GARRE1: variants seen among roughly 807,000 people sequenced by gnomAD.
GARRE1 encodes granule associated Rac and RHOG effector 1.
In GARRE1, 49 loss-of-function variants were observed where a neutral mutation model predicts 103.2. The observed-to-expected ratio is 0.47, with a 90% CI of 0.38 to 0.60. The LOEUF is 0.60. Ranked by LOEUF, GARRE1 falls within the 20% of genes least tolerant of loss-of-function variation. The pLI is 0.00. For missense variants in GARRE1, 1,199 were observed against 1,370.5 expected, an observed-to-expected ratio of 0.87 and a Z score of 1.98; for synonymous variants, 505 against 532.8, an observed-to-expected ratio of 0.95 and a Z score of 0.72.
chr19:34,300,636 G>A lies in GARRE1; in HGVS notation c.163G>A (p.Gly55Ser), dbSNP rs756262638. The change falls in exon 2 of 14, where the codon GGC becomes AGC. Residue 55 changes from glycine to serine, a missense_variant. By Grantham distance (56) the Gly-to-Ser change is moderately conservative. Coordinates refer to ENST00000299505, the MANE Select transcript of GARRE1 (RefSeq NM_014686.5). ...LASTATTAPL[G>S]SLTAAGSCHH... ...ATCCACGGCCACCACTGCCCCCCTGGGCAGTCTGACCGCTGCAGGCAGCTG... is the reference window on the plus strand; with the variant it reads ...ATCCACGGCCACCACTGCCCCCCTGAGCAGTCTGACCGCTGCAGGCAGCTG... The A allele has an allele frequency of 3.1e-6, 5 of 1,613,558 alleles. No individual in the cohort carries two copies. In the African/African-American group the frequency reaches 5.3e-5, roughly 17 times the overall value.
At chr19:34,268,823 A>G (rs1169606685) in intron 1 of GARRE1, among the ~76,000 whole-genome samples, 1 of 152,154 alleles carries the variant, frequency 6.6e-6, no homozygotes, top group African/African-American at 2.4e-5. Flanking sequence ...AAGAAATTGA[A>G]TATGTGGTGA....
At chr19:34,266,468 T>A (rs573156791) in intron 1 of GARRE1, among the ~76,000 whole-genome samples, 6 of 152,298 alleles carry the variant, frequency 3.9e-5, no homozygotes, top group Admixed American at 3.9e-4. Context: ...TTCAAGCGAT[T>A]CCCCTGCCTC....
At chr19:34,302,934 G>A (rs1395582561) in intron 2 of GARRE1, among the ~76,000 whole-genome samples, 1 of 151,556 alleles carries the variant, frequency 6.6e-6, no homozygotes, top group African/African-American at 2.4e-5. Context: ...TAGTAGAGAT[G>A]GGTTTTCACC....
intron 8 of GARRE1, among the ~76,000 whole-genome samples, chr19:34,336,541 C>T (rs28411160): frequency 0.032 from 4,693 of 148,418 alleles, 247 homozygotes; most frequent in African/African-American, 0.11. Context: ...TGTCTCGGCT[C>T]ACTGCAACCT....
At chr19:34,263,904 C>T (rs990540184) in intron 1 of GARRE1, among the ~76,000 whole-genome samples, 1 of 152,162 alleles carries the variant, frequency 6.6e-6, no homozygotes, top group African/African-American at 2.4e-5. Context: ...GGCTTGGGTT[C>T]AAGGCCTGCC....
chr19:34,295,192 G>C (rs1028842200), intron 1 of GARRE1, among the ~76,000 whole-genome samples: 1 of 152,264 alleles, frequency 6.6e-6, no homozygotes, highest in East Asian at 1.9e-4. Flanking sequence ...CCAGTCTTCT[G>C]GTCTTCAATG....
intron 3 of GARRE1, among the ~76,000 whole-genome samples, chr19:34,323,183 C>T (rs138965767): frequency 4.0e-5 from 6 of 151,694 alleles, no homozygotes; most frequent in East Asian, 3.9e-4. Flanking sequence ...AGGTGCCTGC[C>T]ATCTCACCTG....
In GARRE1 at chr19:34,351,484, A is replaced by G. The variant is rs771816347; in HGVS notation, c.2826-30A>G. 1.4e-5 allele frequency: 22 copies of G among 1,577,484 alleles called. No individual in the cohort carries two copies. In the Admixed American group the frequency reaches 2.0e-4, roughly 14 times the overall value. ...GGTGGGCTGGGCAGGAAGCCAAGCA[A>G]TCACTGCCCTGAGCTCTTGGTTCTT... On this transcript the variant is annotated intron_variant, in intron 12 of 13. Coordinates refer to ENST00000299505, the MANE Select transcript of GARRE1 (RefSeq NM_014686.5).
chr19:34,333,945 T>C (rs2074149332), intron 8 of GARRE1, 144 bp downstream of exon 8: 1 of 654,506 alleles, frequency 1.5e-6, no homozygotes, highest in East Asian at 2.7e-5. Context: ...GCAGCAGTGG[T>C]ATGTTAGTGG....
At chr19:34,306,052 A>T (rs1337725766) in intron 2 of GARRE1, among the ~76,000 whole-genome samples, 10 of 152,160 alleles carry the variant, frequency 6.6e-5, no homozygotes, top group Non-Finnish European at 1.5e-4. Flanking sequence ...TCTGGAATTT[A>T]TGTACTGCCA....
intron 3 of GARRE1, among the ~76,000 whole-genome samples, chr19:34,323,581 G>C (rs998477006): frequency 2.6e-5 from 4 of 152,164 alleles, no homozygotes; most frequent in African/African-American, 7.2e-5. Context: ...GGCTGTGTGT[G>C]GGGGTGGGAC....
chr19:34,319,966 G>T lies in GARRE1; in HGVS notation c.555G>T (p.Ala185=). The T allele has an allele frequency of 6.2e-7, 1 of 1,614,218 alleles. No homozygotes were observed. Among genetic ancestry groups the T allele is most frequent in the East Asian group, 2.2e-5 (1 of 44,884 alleles). ...TCCATTTCCAGTTTTTGACTCATGCGTTACAGAAGGTCCAGCCGGTGGCTC... is the reference window on the plus strand; with the variant it reads ...TCCATTTCCAGTTTTTGACTCATGCTTTACAGAAGGTCCAGCCGGTGGCTC... The part of the protein sequence containing the change: ...VQVHFQFLTH[A]LQKVQPVAHS... Residue 185 remains alanine, a synonymous_variant, in exon 3 of 14, where the codon GCG becomes GCT. Coordinates refer to ENST00000299505, the MANE Select transcript of GARRE1 (RefSeq NM_014686.5).
chr19:34,341,036 C>A (rs901834795), intron 9 of GARRE1, among the ~76,000 whole-genome samples: 1 of 152,220 alleles, frequency 6.6e-6, no homozygotes, highest in Non-Finnish European at 1.5e-5. Context: ...CCCCCCACCA[C>A]CTCCCTCTGC....
rs760320121 is a variant in GARRE1 at position 34,339,765 on chromosome 19, C to T, written c.1362-102C>T. On this transcript the variant is annotated intron_variant, in intron 8 of 13. Coordinates refer to ENST00000299505, the MANE Select transcript of GARRE1 (RefSeq NM_014686.5). ...TTACAGTTACTGAATTTTTGCTGGG[C>T]GCCAGAGGTACATAAAAGTTGTAGC... 29 of 1,418,478 alleles carry T rather than the reference C, an allele frequency of 2.0e-5. No individual in the cohort carries two copies. The Middle Eastern group carries it at 5.4e-4, about 26-fold the overall frequency. 87.9% of individuals were successfully genotyped at this position (1,418,478 alleles called of 1,614,324 possible).
intron 7 of GARRE1, among the ~76,000 whole-genome samples, chr19:34,331,201 TA>T (rs1048497285): frequency 1.3e-4 from 19 of 145,360 alleles, no homozygotes; most frequent in Admixed American, 1.4e-4. Context: ...ACCCGGCCCT[TA>T]AAAAAAAAAG....
At chr19:34,316,202 C>T (rs531074810) in intron 2 of GARRE1, among the ~76,000 whole-genome samples, 4 of 152,304 alleles carry the variant, frequency 2.6e-5, no homozygotes, top group South Asian at 2.1e-4. Context: ...TCACACCCCA[C>T]AGGGATGGTT....
chr19:34,324,101 C>T (rs532109173), intron 3 of GARRE1, among the ~76,000 whole-genome samples: 71 of 152,248 alleles, frequency 4.7e-4, no homozygotes, highest in African/African-American at 1.3e-3. Context: ...CCCCCATCCT[C>T]GAGGGCCCAG....
Position 34,342,263 on chromosome 19 carries a change from C to G in GARRE1, c.2329C>G (p.Gln777Glu). 6.2e-7 allele frequency: 1 copy of G among 1,614,216 alleles called. No individual in the cohort carries two copies. Among genetic ancestry groups the G allele is most frequent in the East Asian group, 2.2e-5 (1 of 44,882 alleles). Residue 777 changes from glutamine (Q) to glutamate (E), a missense_variant, in exon 10 of 14, where the codon CAG (glutamine) becomes GAG (glutamate). Coordinates refer to ENST00000299505, the MANE Select transcript of GARRE1 (RefSeq NM_014686.5). ...TGGAGCAGGTCTGTCTCCTCTTGGT[C>G]AGTGGCCTGGCATATCTGATCTCAG... ...AVGAGLSPLGQWPGISDLSSD... is the reference protein window; with the variant it reads ...AVGAGLSPLGEWPGISDLSSD...
At position 34,346,316 on chromosome 19, in the gene GARRE1, C is replaced by T. The variant is rs148418573; in HGVS notation, c.2522-1561C>T. Among the ~76,000 whole-genome samples the T allele has an allele frequency of 2.1e-3, 318 of 152,250 alleles. 1 individual carries two copies. Among genetic ancestry groups the T allele is most frequent in the Admixed American group, 7.3e-3 (111 of 15,278 alleles). ...CATCTGTGCTTTTCTCCCATTTGTA[C>T]TGCCCTGTATATCCCCGTTCAGCAT... is the stretch of plus-strand genomic sequence containing the variant. On this transcript the variant is annotated intron_variant, in intron 10 of 13. Coordinates refer to ENST00000299505, the MANE Select transcript of GARRE1 (RefSeq NM_014686.5).
Sources: allele counts gnomAD v4.1 joint callset (sites outside exome capture counted in the v4.1 genomes callset), GRCh38; gene constraint gnomAD v4.1.1; transcripts MANE v1.5; gene names NCBI Gene and HGNC (gene_info 2026-07-23, HGNC 2026-07-21).